The following TSPEAR variants were observed in gnomAD, a reference collection of about 807,000 sequenced individuals.
The protein encoded by TSPEAR is thrombospondin-type laminin G domain and EAR repeat-containing protein.
TSPEAR carries 69 observed loss-of-function variants against 71.6 expected under a neutral mutation model. That is an observed-to-expected ratio of 0.96 (90% CI 0.79 to 1.18). The LOEUF is 1.18. TSPEAR is among the 50% of genes most tolerant of loss of function. The pLI is 0.00. For synonymous variants in TSPEAR, 402 were observed against 387.2 expected (o/e 1.04, Z -0.45); for missense variants, 971 against 894.9 (o/e 1.09, Z -1.09).
chr21:44,611,869 G>A (rs1199651723), intron 1 of TSPEAR, among the ~76,000 whole-genome samples: 1 of 152,138 alleles, frequency 6.6e-6, no homozygotes, highest in Non-Finnish European at 1.5e-5. Context: ...ACCTGCAAGT[G>A]GTCAGCATCA....
intron 11 of TSPEAR, among the ~76,000 whole-genome samples, chr21:44,501,629 T>C (rs1555911102): frequency 6.6e-6 from 1 of 152,004 alleles, no homozygotes; most frequent in Non-Finnish European, 1.5e-5. Flanking sequence ...CCAGGCATGG[T>C]TGGCCCATGC....
Position 44,525,789 on chromosome 21 carries a change from G to A in TSPEAR, c.1200C>T (p.Phe400=). 1 of 1,614,180 alleles carries A rather than the reference G, an allele frequency of 6.2e-7. No homozygotes were observed. The highest frequency in any genetic ancestry group is 1.6e-4 in the Middle Eastern group (1 of 6,062). Residue 400 remains phenylalanine, a synonymous_variant, in exon 8 of 12, where the codon TTC becomes TTT. Coordinates refer to ENST00000323084, the MANE Select transcript of TSPEAR (RefSeq NM_144991.3). The part of the protein sequence containing the change: ...NFEPDEKGQE[F]SVIYKWSHRK... The stretch of plus-strand genomic sequence containing the variant: ...TGTGGCTCCATTTGTAAATGACAGA[G>A]AACTCCTGACCCTTCTCATCTGGTT...
chr21:44,627,338 C>G lies in TSPEAR; in HGVS notation c.83-59333G>C, dbSNP rs782231253. Reference sequence around the variant, plus strand: ...ACCCCAGTGAGCCGTGTATCCAGCCCCTGCTGCCAGGTGACCTGTGAGCCC... The same window carrying G: ...ACCCCAGTGAGCCGTGTATCCAGCCGCTGCTGCCAGGTGACCTGTGAGCCC... On this transcript the variant is annotated intron_variant, in intron 1 of 11. Transcript: ENST00000323084. The G allele has an allele frequency of 8.7e-6, 14 of 1,613,298 alleles. No individual in the cohort carries two copies. In the South Asian group the frequency reaches 1.1e-4, roughly 13 times the overall value.
chr21:44,587,038 G>A (rs146348795), intron 1 of TSPEAR, among the ~76,000 whole-genome samples: 1 of 152,276 alleles, frequency 6.6e-6, no homozygotes, highest in East Asian at 1.9e-4. Context: ...GTCCTAGCCA[G>A]AGCAATCAGA....
At chr21:44,591,924 G>A in intron 1 of TSPEAR, 1 of 1,610,690 alleles carries the variant, frequency 6.2e-7, no homozygotes, top group Non-Finnish European at 8.5e-7. Flanking sequence ...AGACCGCCTG[G>A]CAGCAGGGGC....
intron 1 of TSPEAR, among the ~76,000 whole-genome samples, chr21:44,576,511 G>A (rs1280070548): frequency 6.7e-6 from 1 of 150,080 alleles, no homozygotes; most frequent in Non-Finnish European, 1.5e-5. Flanking sequence ...CCCAGGGTGG[G>A]TGAGGGGGCA....
At chr21:44,658,043 G>T (rs1414182801) in intron 1 of TSPEAR, 1 of 1,613,766 alleles carries the variant, frequency 6.2e-7, no homozygotes, top group Non-Finnish European at 8.5e-7. Context: ...CCCCTGCCAG[G>T]CATCCTGCTA....
intron 1 of TSPEAR, chr21:44,574,172 G>C: frequency 6.2e-7 from 1 of 1,601,962 alleles, no homozygotes; most frequent in Non-Finnish European, 8.5e-7. Flanking sequence ...GCTGCCAGCA[G>C]TCTAGCTGCC....
At chr21:44,526,957 T>A (rs1555914993) in intron 7 of TSPEAR, among the ~76,000 whole-genome samples, 1 of 152,216 alleles carries the variant, frequency 6.6e-6, no homozygotes, top group Admixed American at 6.5e-5. Context: ...TTTTCTAGTG[T>A]CTTTCTGAAA....
At chr21:44,629,035 G>T (rs1983091164) in intron 1 of TSPEAR, among the ~76,000 whole-genome samples, 1 of 152,158 alleles carries the variant, frequency 6.6e-6, no homozygotes, top group African/African-American at 2.4e-5. Context: ...ACAGCAGGAA[G>T]GAGGCCTCCT....
rs1413460958 is a variant in TSPEAR, at chr21:44,687,613, GC to G, written c.82+23819del. ...ATGCTTTAAAAAATTCTCAGCAGTG[GC>G]CATCTCTGGGGGATTGGGTGAAATT... On this transcript the variant is annotated intron_variant, in intron 1 of 11. Transcript: ENST00000323084. This position sits in a 1 kb window ranked among gnomAD's most constrained non-coding sequence, Gnocchi z 4.4. 1.3e-5 allele frequency among the ~76,000 whole-genome samples: 2 copies of G among 152,134 alleles called. No individual in the cohort carries two copies.
rs184677349 is a variant in TSPEAR at position 44,678,160 on chromosome 21, A to G, written c.82+33273T>C. 506 of 531,022 alleles carry G rather than the reference A, an allele frequency of 9.5e-4. 5 individuals are homozygous for G. Among genetic ancestry groups the G allele is most frequent in the African/African-American group, 8.9e-3 (467 of 52,582 alleles). The allele number at this position is 531,022 out of a possible 1,614,324, so 32.9% of individuals were successfully genotyped here. A position where few individuals can be genotyped will look rare whatever the true frequency, so the allele number is the denominator to read the frequency against. ...CACGAGTAAGTGGAGGCATGTGTAC[A>G]TATGTCAAGGATGCCTATTTTTATC... is the stretch of plus-strand genomic sequence containing the variant. On this transcript the variant is annotated intron_variant, in intron 1 of 11. Transcript: ENST00000323084.
intron 1 of TSPEAR, among the ~76,000 whole-genome samples, chr21:44,635,992 C>A (rs1983539613): frequency 6.6e-6 from 1 of 152,140 alleles, no homozygotes; most frequent in Non-Finnish European, 1.5e-5. Flanking sequence ...CTCATTCATG[C>A]TTATTGGAAA....
intron 1 of TSPEAR, among the ~76,000 whole-genome samples, chr21:44,590,484 C>G (rs1386654577): frequency 2.6e-5 from 4 of 152,154 alleles, no homozygotes; most frequent in African/African-American, 4.8e-5. Flanking sequence ...TAGTGGGTGC[C>G]ATGGTCCCTG....
chr21:44,658,808 G>A (rs587702627), intron 1 of TSPEAR, among the ~76,000 whole-genome samples: 1 of 152,238 alleles, frequency 6.6e-6, no homozygotes, highest in East Asian at 1.9e-4. Context: ...AGATGCCTGG[G>A]ACCCGGGTAT....
chr21:44,513,137 G>A (rs2052444902), intron 9 of TSPEAR, among the ~76,000 whole-genome samples: 1 of 152,230 alleles, frequency 6.6e-6, no homozygotes, highest in Non-Finnish European at 1.5e-5. Context: ...ACCCCCACGG[G>A]GTGTCACCGG....
intron 1 of TSPEAR, among the ~76,000 whole-genome samples, chr21:44,599,170 C>CTCTCTCTCTCTCTCAA (rs1555928004): frequency 1.8e-4 from 22 of 124,480 alleles, no homozygotes; most frequent in Non-Finnish European, 2.6e-4. Flanking sequence ...CTCTCTCTCT[C>CTCTCTCTCTCTCTCAA]TCCTTCCATC....
intron 2 of TSPEAR, chr21:44,539,090 G>A: frequency 6.3e-6 from 5 of 796,732 alleles, no homozygotes; most frequent in Non-Finnish European, 9.7e-6. Context: ...AGGGGACCTA[G>A]CAGGCAGGTG....
intron 1 of TSPEAR, among the ~76,000 whole-genome samples, chr21:44,584,009 C>T (rs1979177848): frequency 6.6e-6 from 1 of 152,156 alleles, no homozygotes; most frequent in Non-Finnish European, 1.5e-5. Context: ...TCATCAACAT[C>T]AAAGTGGATA....
Sources: allele counts gnomAD v4.1 joint callset (sites outside exome capture counted in the v4.1 genomes callset), GRCh38; gene constraint gnomAD v4.1.1; non-coding constraint Gnocchi (gnomAD v3.1); transcripts MANE v1.5; gene names NCBI Gene and HGNC (gene_info 2026-07-23, HGNC 2026-07-21).